Variants in UBE2G1 observed in about 807,000 individuals in gnomAD.
The protein encoded by UBE2G1 is ubiquitin conjugating enzyme E2 G1.
In UBE2G1, 5 loss-of-function variants were observed where a neutral mutation model predicts 22.7. The observed-to-expected ratio is 0.22, with a 90% CI of 0.12 to 0.46. The LOEUF is 0.46. Ranked by LOEUF, UBE2G1 falls within the 20% of genes least tolerant of loss-of-function variation. The probability of loss-of-function intolerance (pLI) is 0.99; values close to 1 mark genes in which losing one functional copy is unlikely to be tolerated. For missense variants in UBE2G1, 88 were observed against 203.9 expected, an observed-to-expected ratio of 0.43 and a Z score of 3.46; for synonymous variants, 74 against 67.5, an observed-to-expected ratio of 1.10 and a Z score of -0.47.
intron 2 of UBE2G1, among the ~76,000 whole-genome samples, chr17:4,297,183 A>G (rs1214878156): frequency 6.6e-6 from 1 of 152,246 alleles, no homozygotes; most frequent in African/African-American, 2.4e-5. Flanking sequence ...GAAACTAGCC[A>G]GTCGTCTTTC....
At chr17:4,329,782 AC>A (rs1468558437) in intron 1 of UBE2G1, among the ~76,000 whole-genome samples, 1 of 151,468 alleles carries the variant, frequency 6.6e-6, no homozygotes, top group Non-Finnish European at 1.5e-5. Context: ...ACTTTTTCTT[AC>A]TATCCTGACT....
chr17:4,271,160 T>C lies in UBE2G1; in HGVS notation c.*1394A>G, dbSNP rs1403134507. The C allele has an allele frequency of 1.3e-5, 2 of 152,388 alleles. No individual in the cohort carries two copies. The highest frequency in any genetic ancestry group is 2.9e-5 in the Non-Finnish European group (2 of 68,034). The allele number at this position is 152,388 out of a possible 1,614,324, so 9.4% of individuals were successfully genotyped here. A position where few individuals can be genotyped will look rare whatever the true frequency, so the allele number is the denominator to read the frequency against. On this transcript the variant is annotated 3_prime_UTR_variant, in exon 6 of 6. Coordinates refer to ENST00000396981, the MANE Select transcript of UBE2G1 (RefSeq NM_003342.5). ...TTAGAAAACTGTATGATATGAAATA[T>C]ATTGAAGCTCAAACATTAATCACAT...
Position 4,366,394 on chromosome 17 carries a change from G to C in UBE2G1, c.-78C>G. The C allele has an allele frequency of 7.4e-7, 1 of 1,351,736 alleles. No homozygotes were observed. The highest frequency in any genetic ancestry group is 9.6e-7 in the Non-Finnish European group (1 of 1,046,066). The allele number at this position is 1,351,736 out of a possible 1,614,324, so 83.7% of individuals were successfully genotyped here. A position where few individuals can be genotyped will look rare whatever the true frequency, so the allele number is the denominator to read the frequency against. ...AGGCTCTGGGGGCGGCTGGAGCGGG[G>C]TGTGCCGAGGAACCCGGGCCCCGCG... On this transcript the variant is annotated 5_prime_UTR_variant, in exon 1 of 6. Coordinates refer to ENST00000396981, the MANE Select transcript of UBE2G1 (RefSeq NM_003342.5).
chr17:4,293,263 T>A (rs1969065891), intron 3 of UBE2G1, among the ~76,000 whole-genome samples: 1 of 152,218 alleles, frequency 6.6e-6, no homozygotes, highest in Non-Finnish European at 1.5e-5. Context: ...CTGACTTTGT[T>A]CACTTAATAT....
chr17:4,314,182 A>G (rs765201148), intron 1 of UBE2G1, among the ~76,000 whole-genome samples: 1 of 152,206 alleles, frequency 6.6e-6, no homozygotes, highest in Non-Finnish European at 1.5e-5. Flanking sequence ...ATTTATCACT[A>G]AAACGGACCA....
chr17:4,321,973 G>C (rs1220235007), intron 1 of UBE2G1, among the ~76,000 whole-genome samples: 1 of 152,156 alleles, frequency 6.6e-6, no homozygotes, highest in Non-Finnish European at 1.5e-5. Flanking sequence ...ATTGGACTAA[G>C]TGTGGTATGA....
intron 1 of UBE2G1, among the ~76,000 whole-genome samples, chr17:4,352,748 A>G (rs1219279200): frequency 6.6e-6 from 1 of 152,168 alleles, no homozygotes; most frequent in African/African-American, 2.4e-5. Flanking sequence ...CCATTCCTAC[A>G]GAGAAAATGT....
chr17:4,331,544 G>A (rs900494022), intron 1 of UBE2G1, among the ~76,000 whole-genome samples: 1 of 152,062 alleles, frequency 6.6e-6, no homozygotes, highest in African/African-American at 2.4e-5. Flanking sequence ...AAAAAGCTTT[G>A]GCCTAATCGT....
intron 1 of UBE2G1, 81 bp from the exon 2 acceptor site, chr17:4,307,204 C>A: frequency 8.2e-7 from 1 of 1,213,142 alleles, no homozygotes; most frequent in Non-Finnish European, 1.2e-6. Flanking sequence ...CTTGAGCGTA[C>A]ATGTTTTATG....
At chr17:4,296,950 G>C in intron 2 of UBE2G1, 136 bp from the exon 3 acceptor site, 2 of 700,206 alleles carry the variant, frequency 2.9e-6, no homozygotes, top group South Asian at 1.8e-5. Context: ...GATTCCCACA[G>C]GCAGTTACTT....
chr17:4,359,024 A>G (rs1204045404), intron 1 of UBE2G1, among the ~76,000 whole-genome samples: 1 of 152,154 alleles, frequency 6.6e-6, no homozygotes, highest in East Asian at 1.9e-4. Context: ...TAACATAGAA[A>G]CCCTAGAAAA....
At position 4,271,645 on chromosome 17, in the gene UBE2G1, A is replaced by G. The variant is rs1201080630; in HGVS notation, c.*909T>C. On this transcript the variant is annotated 3_prime_UTR_variant, in exon 6 of 6. Transcript: ENST00000396981. ...AATAGCAAACCCAGAAGTTAAGTAG[A>G]AAGCCTGTAGCTGTGCATGCTTCAT... 2.0e-5 allele frequency: 3 copies of G among 149,432 alleles called. No homozygotes were observed. The highest frequency in any genetic ancestry group is 5.0e-5 in the African/African-American group (2 of 40,220). The allele number at this position is 149,432 out of a possible 1,614,324, so 9.3% of individuals were successfully genotyped here. A position where few individuals can be genotyped will look rare whatever the true frequency, so the allele number is the denominator to read the frequency against.
chr17:4,287,317 T>G (rs937372588), intron 4 of UBE2G1, among the ~76,000 whole-genome samples: 1 of 151,476 alleles, frequency 6.6e-6, no homozygotes, highest in African/African-American at 2.4e-5. Context: ...TTGGCCAGGC[T>G]GGTCTCGAAC....
intron 3 of UBE2G1, among the ~76,000 whole-genome samples, chr17:4,294,375 C>T (rs1356258438): frequency 2.1e-5 from 3 of 144,422 alleles, no homozygotes; most frequent in South Asian, 2.1e-4. Context: ...AAGATAGTCC[C>T]ACTGCATTCC....
chr17:4,285,675 G>A (rs1370678019), intron 4 of UBE2G1, among the ~76,000 whole-genome samples: 1 of 152,212 alleles, frequency 6.6e-6, no homozygotes, highest in Non-Finnish European at 1.5e-5. Context: ...AAAGCGGCCG[G>A]GCGAGGTGGC....
chr17:4,365,613 C>T (rs990081001), intron 1 of UBE2G1, among the ~76,000 whole-genome samples: 2 of 152,016 alleles, frequency 1.3e-5, no homozygotes, highest in Non-Finnish European at 2.9e-5. Context: ...CCGCTCCTAC[C>T]CTCCCCCAGC....
At chr17:4,288,731 G>A (rs982328436) in intron 4 of UBE2G1, among the ~76,000 whole-genome samples, 14 of 152,094 alleles carry the variant, frequency 9.2e-5, no homozygotes, top group African/African-American at 3.1e-4. Context: ...TAATAACGAC[G>A]TATAGTATTC....
intron 1 of UBE2G1, among the ~76,000 whole-genome samples, chr17:4,315,974 A>AT (rs1969365869): frequency 6.6e-6 from 1 of 150,588 alleles, no homozygotes; most frequent in South Asian, 2.1e-4. Flanking sequence ...CGCCCGGCTA[A>AT]TTTTTTATAT....
At chr17:4,300,418 C>T (rs1333165282) in intron 2 of UBE2G1, among the ~76,000 whole-genome samples, 1 of 152,026 alleles carries the variant, frequency 6.6e-6, no homozygotes, top group Non-Finnish European at 1.5e-5. Context: ...TGGCAGGTGC[C>T]TGTAATCCCA....
Sources: gnomAD v4.1 joint callset for allele counts (sites outside exome capture counted in the v4.1 genomes callset) on GRCh38, gnomAD v4.1.1 for gene constraint, MANE v1.5 for transcripts, NCBI Gene and HGNC (gene_info 2026-07-23, HGNC 2026-07-21) for gene names.